KCNN2: variants seen among roughly 807,000 people sequenced by gnomAD.
KCNN2 encodes the protein potassium calcium-activated channel subfamily N member 2.
Under a neutral mutation model 55.5 loss-of-function variants are expected in KCNN2, and 24 were observed. That is an observed-to-expected ratio of 0.43 (90% CI 0.31 to 0.61). The LOEUF is 0.61. Ranked by LOEUF, KCNN2 falls within the 20% of genes least tolerant of loss-of-function variation. The probability of loss-of-function intolerance (pLI) is 0.08; values close to 1 mark genes in which losing one functional copy is unlikely to be tolerated. For missense variants in KCNN2, 754 were observed against 853.6 expected, an observed-to-expected ratio of 0.88 and a Z score of 1.45; for synonymous variants, 431 against 336.1, an observed-to-expected ratio of 1.28 and a Z score of -3.09.
intron 2 of KCNN2, among the ~76,000 whole-genome samples, chr5:114,233,308 A>G (rs1561533480): frequency 6.6e-6 from 1 of 152,110 alleles, no homozygotes; most frequent in East Asian, 1.9e-4. Flanking sequence ...CCTTTTATTA[A>G]GGTGATAGGC....
intron 2 of KCNN2, among the ~76,000 whole-genome samples, chr5:114,286,922 G>A (rs572163570): frequency 2.0e-5 from 3 of 152,244 alleles, no homozygotes; most frequent in East Asian, 1.9e-4. Flanking sequence ...AATAGATCCA[G>A]CAATTATAGA....
chr5:114,293,055 T>C (rs529767978), intron 2 of KCNN2, among the ~76,000 whole-genome samples: 2 of 152,228 alleles, frequency 1.3e-5, no homozygotes, highest in Admixed American at 1.3e-4. Flanking sequence ...TCCTGAGACT[T>C]TGCTGAAGTT....
intron 2 of KCNN2, among the ~76,000 whole-genome samples, chr5:114,310,829 T>C (rs1462030568): frequency 1.3e-5 from 2 of 152,142 alleles, no homozygotes; most frequent in Non-Finnish European, 2.9e-5. Flanking sequence ...CTGTTCCATG[T>C]GTCTAGTAAA....
intron 2 of KCNN2, among the ~76,000 whole-genome samples, chr5:114,302,481 T>C (rs761444179): frequency 9.2e-5 from 14 of 152,120 alleles, no homozygotes; most frequent in Non-Finnish European, 1.8e-4. Context: ...ATAACAGTTA[T>C]AATGGAAGAA....
At chr5:114,217,896 CA>C (rs1250549356) in intron 1 of KCNN2, among the ~76,000 whole-genome samples, 1 of 151,968 alleles carries the variant, frequency 6.6e-6, no homozygotes, top group Non-Finnish European at 1.5e-5. Context: ...ACTTAAAATT[CA>C]ACAATAAGAA....
intron 3 of KCNN2, 42 bp downstream of exon 3, chr5:114,404,898 G>A: frequency 1.9e-6 from 3 of 1,540,274 alleles, no homozygotes; most frequent in Middle Eastern, 1.7e-4. Context: ...TTACCATGTG[G>A]TATCTTCACA....
intron 2 of KCNN2, among the ~76,000 whole-genome samples, chr5:114,284,349 T>A (rs1203403692): frequency 6.6e-6 from 1 of 152,176 alleles, no homozygotes; most frequent in Non-Finnish European, 1.5e-5. Flanking sequence ...TGAATAATAA[T>A]TGGATTTTTA....
chr5:114,160,425 T>G (rs1050383514), intron 1 of KCNN2, among the ~76,000 whole-genome samples: 1 of 152,210 alleles, frequency 6.6e-6, no homozygotes, highest in Non-Finnish European at 1.5e-5. Flanking sequence ...TACTTCCAAT[T>G]ATGTGGTCAA....
At chr5:114,058,086 C>T (rs1191349325) in intron 1 of KCNN2, among the ~76,000 whole-genome samples, 1 of 152,172 alleles carries the variant, frequency 6.6e-6, no homozygotes, top group Non-Finnish European at 1.5e-5. Context: ...ACATGTTCGA[C>T]AGAAGACATG....
At chr5:114,264,891 C>T (rs1755178720) in intron 2 of KCNN2, among the ~76,000 whole-genome samples, 1 of 152,196 alleles carries the variant, frequency 6.6e-6, no homozygotes, top group Non-Finnish European at 1.5e-5. Flanking sequence ...GTTCAAGTGC[C>T]CTCAGGGATA....
intron 7 of KCNN2, among the ~76,000 whole-genome samples, chr5:114,494,659 G>A (rs79622009): frequency 0.014 from 2,137 of 152,118 alleles, 53 homozygotes; most frequent in African/African-American, 0.049. Context: ...TACTTCAAGA[G>A]TACCACTGTG....
chr5:114,203,012 T>G (rs1485949347), intron 1 of KCNN2, among the ~76,000 whole-genome samples: 1 of 152,216 alleles, frequency 6.6e-6, no homozygotes, highest in African/African-American at 2.4e-5. Flanking sequence ...ATCATCCTTA[T>G]TTAACAAAGA....
At chr5:114,212,105 A>G (rs186760290) in intron 1 of KCNN2, among the ~76,000 whole-genome samples, 1 of 152,128 alleles carries the variant, frequency 6.6e-6, no homozygotes, top group Non-Finnish European at 1.5e-5. Flanking sequence ...TGAAGAAGAA[A>G]CATTTGGTGA....
chr5:114,227,834 T>G (rs986167477), intron 2 of KCNN2, among the ~76,000 whole-genome samples: 1 of 152,102 alleles, frequency 6.6e-6, no homozygotes, highest in African/African-American at 2.4e-5. Flanking sequence ...ACATTAAACA[T>G]ATACATGTAA....
intron 2 of KCNN2, among the ~76,000 whole-genome samples, chr5:114,261,770 G>T (rs1354773513): frequency 1.3e-5 from 2 of 152,212 alleles, no homozygotes; most frequent in African/African-American, 4.8e-5. Context: ...TTAGTTCGCA[G>T]AAAGTTCTCA....
rs138998232 is a variant in KCNN2, at chr5:114,076,442, G to T, written c.-271+19942G>T. ...ATAATAACAAAAAGAGAATAGATGTGATTTGAGAGCCAGAGGGGCCTTAAA... is the reference window on the plus strand; with the variant it reads ...ATAATAACAAAAAGAGAATAGATGTTATTTGAGAGCCAGAGGGGCCTTAAA... On this transcript the variant is annotated intron_variant, in intron 1 of 10. Transcript: ENST00000512097. Among the ~76,000 whole-genome samples the T allele has an allele frequency of 2.8e-4, 42 of 152,264 alleles. No homozygotes were observed. In the East Asian group the frequency reaches 8.1e-3, roughly 29 times the overall value.
chr5:114,364,078 T>G (rs1254085890), intron 2 of KCNN2, 77 bp downstream of exon 2: 3 of 1,048,162 alleles, frequency 2.9e-6, no homozygotes, highest in Non-Finnish European at 4.5e-6. Flanking sequence ...AGCAGAGGCT[T>G]TTTTCAAGCC....
At chr5:114,235,305 AG>A (rs1314414137) in intron 2 of KCNN2, among the ~76,000 whole-genome samples, 17 of 152,300 alleles carry the variant, frequency 1.1e-4, no homozygotes, top group African/African-American at 3.6e-4. Context: ...AAAACATTTG[AG>A]GGTGAGAAAG....
At chr5:114,158,228 C>T (rs1752683621) in intron 1 of KCNN2, among the ~76,000 whole-genome samples, 2 of 152,162 alleles carry the variant, frequency 1.3e-5, no homozygotes, top group Admixed American at 1.3e-4. Context: ...ATATGACTAG[C>T]CAGTTTTCCC....
Sources: allele counts gnomAD v4.1 joint callset (sites outside exome capture counted in the v4.1 genomes callset), GRCh38; gene constraint gnomAD v4.1.1; transcripts MANE v1.5; gene names NCBI Gene and HGNC (gene_info 2026-07-23, HGNC 2026-07-21).